SH3GLB1: variants seen among roughly 807,000 people sequenced by gnomAD.
SH3GLB1 encodes the protein SH3 domain containing GRB2 like, endophilin B1, also known as endophilin-B1.
A neutral mutation model predicts 42.0 loss-of-function variants in SH3GLB1; 17 were observed. The ratio of observed to expected loss-of-function variants is 0.40; its 90% CI spans 0.28 to 0.61. The LOEUF is 0.61. Ranked by LOEUF, SH3GLB1 falls within the 20% of genes least tolerant of loss-of-function variation. SH3GLB1 has a pLI of 0.36. For missense variants in SH3GLB1, 355 were observed against 426.3 expected (o/e 0.83, Z 1.47); for synonymous variants, 132 against 146.6 (o/e 0.90, Z 0.72).
intron 4 of SH3GLB1, 98 bp from the exon 5 acceptor site, chr1:86,724,215 G>T: frequency 1.3e-6 from 1 of 762,066 alleles, no homozygotes. Context: ...TTTATCAAGT[G>T]ATACATATGT....
intron 5 of SH3GLB1, among the ~76,000 whole-genome samples, chr1:86,724,892 A>AAAAAATATATATAT (rs1291454820): frequency 1.0e-5 from 1 of 99,700 alleles, no homozygotes; most frequent in Admixed American, 1.1e-4. Flanking sequence ...AAAAAAAAAA[A>AAAAAATATATATAT]ATATATATAT....
chr1:86,733,440 GT>G (rs1456730531), intron 5 of SH3GLB1, among the ~76,000 whole-genome samples: 1 of 151,510 alleles, frequency 6.6e-6, no homozygotes, highest in African/African-American at 2.4e-5. Context: ...TTTGTTTTTC[GT>G]TTTTTTTACT....
At chr1:86,719,765 G>GT (rs1558306663) in intron 3 of SH3GLB1, 130 bp downstream of exon 3, 1 of 818,418 alleles carries the variant, frequency 1.2e-6, no homozygotes, top group East Asian at 3.1e-5. Flanking sequence ...GGTGGTTGAG[G>GT]TGGGCGGATC....
rs1427508204 is a variant in SH3GLB1, at chr1:86,746,453, G to C, written c.*3218G>C. On this transcript the variant is annotated 3_prime_UTR_variant, in exon 9 of 9. Coordinates refer to ENST00000370558, the MANE Select transcript of SH3GLB1 (RefSeq NM_016009.5). Reference sequence around the variant, plus strand: ...AGATAGCTTCATAGTTTAGCCTATAGCCAACTTTGCCTCAAGACCTCCAGA... The same window carrying C: ...AGATAGCTTCATAGTTTAGCCTATACCCAACTTTGCCTCAAGACCTCCAGA... The C allele has an allele frequency of 6.6e-6, 1 of 152,244 alleles. No homozygotes were observed. Among genetic ancestry groups the C allele is most frequent in the Non-Finnish European group, 1.5e-5 (1 of 68,096 alleles). The allele number at this position is 152,244 out of a possible 1,614,324, so 9.4% of individuals were successfully genotyped here. A position where few individuals can be genotyped will look rare whatever the true frequency, so the allele number is the denominator to read the frequency against.
At chr1:86,705,231 C>T (rs1005930872) in intron 1 of SH3GLB1, among the ~76,000 whole-genome samples, 3 of 152,156 alleles carry the variant, frequency 2.0e-5, no homozygotes, top group African/African-American at 7.2e-5. Context: ...CCCTGGGGAA[C>T]ACTAAGGCTG....
In SH3GLB1 at chr1:86,704,904, A is replaced by G. The variant is rs1570397844; in HGVS notation, c.5A>G (p.Asn2Ser). 4 of 1,581,066 alleles carry G rather than the reference A, an allele frequency of 2.5e-6. No homozygotes were observed. Among genetic ancestry groups the G allele is most frequent in the Non-Finnish European group, 3.4e-6 (4 of 1,166,198 alleles). M[N>S]IMDFNVKKLA... is the part of the protein sequence containing the mutation. The stretch of plus-strand genomic sequence containing the variant: ...TCCGCCCGGCTGCCGCCTAGGATGA[A>G]TATCATGGACTTCAACGTGAAGAAG... The change falls in exon 1 of 9, where the codon AAT becomes AGT. Residue 2 changes from asparagine to serine, a missense_variant. Transcript: ENST00000370558.
At chr1:86,710,563 C>T (rs1429660550) in intron 1 of SH3GLB1, among the ~76,000 whole-genome samples, 2 of 152,192 alleles carry the variant, frequency 1.3e-5, no homozygotes, top group Non-Finnish European at 2.9e-5. Flanking sequence ...CCGTGCCTGG[C>T]CTTTCTTGAA....
intron 7 of SH3GLB1, among the ~76,000 whole-genome samples, chr1:86,741,751 A>G (rs1656066838): frequency 6.6e-6 from 1 of 152,178 alleles, no homozygotes. Flanking sequence ...TGAATAGGAA[A>G]ATGTGATTGG....
intron 1 of SH3GLB1, among the ~76,000 whole-genome samples, chr1:86,707,962 A>G (rs1653969217): frequency 6.6e-6 from 1 of 152,144 alleles, no homozygotes; most frequent in Non-Finnish European, 1.5e-5. Context: ...GCGTTTGAAT[A>G]TTTCAAAAGA....
At chr1:86,712,763 T>C (rs1316872159) in intron 1 of SH3GLB1, among the ~76,000 whole-genome samples, 1 of 146,144 alleles carries the variant, frequency 6.8e-6, no homozygotes, top group Non-Finnish European at 1.5e-5. Context: ...ACTAAAATAG[T>C]TAAAAAAAAA....
chr1:86,732,743 G>T (rs987159254), intron 5 of SH3GLB1, among the ~76,000 whole-genome samples: 5 of 152,042 alleles, frequency 3.3e-5, no homozygotes, highest in Non-Finnish European at 7.4e-5. Context: ...TTTTTATTCA[G>T]TGTACTTAGC....
In SH3GLB1 at chr1:86,707,395, G is replaced by A. The variant is rs373193047; in HGVS notation, c.72+2424G>A. Among the ~76,000 whole-genome samples the A allele has an allele frequency of 3.3e-5, 5 of 152,278 alleles. No homozygotes were observed. In the South Asian group the frequency reaches 6.2e-4, roughly 19 times the overall value. ...TGTGGCCATAATACACGTAAAAGGC[G>A]ATTGTAACTTAGATTACAGTGGTAG... On this transcript the variant is annotated intron_variant, in intron 1 of 8. Coordinates refer to ENST00000370558, the MANE Select transcript of SH3GLB1 (RefSeq NM_016009.5).
chr1:86,720,899 T>C (rs1178659371), intron 3 of SH3GLB1, among the ~76,000 whole-genome samples: 1 of 152,230 alleles, frequency 6.6e-6, no homozygotes, highest in Non-Finnish European at 1.5e-5. Flanking sequence ...TTGAAAATGC[T>C]TAGAACTTCA....
intron 3 of SH3GLB1, among the ~76,000 whole-genome samples, chr1:86,720,126 C>T (rs1304063122): frequency 6.6e-6 from 1 of 151,024 alleles, no homozygotes; most frequent in South Asian, 2.1e-4. Flanking sequence ...TATATTCAAG[C>T]ATATATTTAG....
intron 2 of SH3GLB1, 99 bp downstream of exon 2, chr1:86,715,964 T>A: frequency 7.7e-7 from 1 of 1,299,164 alleles, no homozygotes; most frequent in Non-Finnish European, 1.1e-6. Context: ...ATAGGATTTT[T>A]TTATTGTAGC....
At chr1:86,741,516 A>C (rs1656056577) in intron 7 of SH3GLB1, among the ~76,000 whole-genome samples, 1 of 152,218 alleles carries the variant, frequency 6.6e-6, no homozygotes, top group Non-Finnish European at 1.5e-5. Context: ...TTTCTAAAAA[A>C]TAGCACAAAT....
intron 5 of SH3GLB1, among the ~76,000 whole-genome samples, chr1:86,724,892 A>AAATATATATATATATATATATATAT (rs1291454820): frequency 5.0e-5 from 5 of 99,676 alleles, no homozygotes; most frequent in African/African-American, 5.4e-5. Context: ...AAAAAAAAAA[A>AAATATATATATATATATATATATAT]ATATATATAT....
intron 4 of SH3GLB1, 128 bp from the exon 5 acceptor site, chr1:86,724,185 C>T: frequency 1.7e-6 from 1 of 577,660 alleles, no homozygotes; most frequent in Non-Finnish European, 2.8e-6. Context: ...ACTTTATAGC[C>T]AATTTTGTAG....
At chr1:86,726,256 A>C (rs920291559) in intron 5 of SH3GLB1, among the ~76,000 whole-genome samples, 2 of 152,088 alleles carry the variant, frequency 1.3e-5, no homozygotes, top group African/African-American at 4.8e-5. Context: ...TTTAAAAAGC[A>C]CTATTACAGG....
Sources: allele counts gnomAD v4.1 joint callset (sites outside exome capture counted in the v4.1 genomes callset), GRCh38; gene constraint gnomAD v4.1.1; transcripts MANE v1.5; gene names NCBI Gene and HGNC (gene_info 2026-07-23, HGNC 2026-07-21).